TAFA5: variants seen among roughly 807,000 people sequenced by gnomAD.
TAFA5 encodes chemokine-like protein TAFA-5.
A neutral mutation model predicts 15.3 loss-of-function variants in TAFA5; 6 were observed. The ratio of observed to expected loss-of-function variants is 0.39; its 90% CI spans 0.21 to 0.77. The LOEUF is 0.77. TAFA5 is among the 30% of genes least tolerant of loss of function. The pLI is 0.41. For missense variants in TAFA5, 161 were observed against 193.1 expected, an observed-to-expected ratio of 0.83 and a Z score of 0.98; for synonymous variants, 103 against 80.7, an observed-to-expected ratio of 1.28 and a Z score of -1.48.
rs1205808089 is a variant in TAFA5, at chr22:48,493,787, C to T, written c.112+4083C>T. 8.5e-5 allele frequency among the ~76,000 whole-genome samples: 13 copies of T among 152,326 alleles called. 1 individual carries two copies. Among genetic ancestry groups the T allele is most frequent in the East Asian group, 1.9e-4 (1 of 5,188 alleles). On this transcript the variant is annotated intron_variant, in intron 1 of 3. Coordinates refer to ENST00000402357, the MANE Select transcript of TAFA5 (RefSeq NM_001082967.3). ...TTTGTCCCCTCACAGGATTTTCCCA[C>T]GCAGGGACCCCTGGGGGAAGGGACT...
chr22:48,512,388 C>T (rs1178431270), intron 1 of TAFA5, among the ~76,000 whole-genome samples: 1 of 152,190 alleles, frequency 6.6e-6, no homozygotes, highest in African/African-American at 2.4e-5. Context: ...GGGCAGATCG[C>T]TTGAGGTCAG....
intron 3 of TAFA5, among the ~76,000 whole-genome samples, chr22:48,732,110 C>T (rs1385988476): frequency 6.6e-6 from 1 of 152,216 alleles, no homozygotes; most frequent in Non-Finnish European, 1.5e-5. Flanking sequence ...GCGGAAATCA[C>T]TGCAGATGTG....
intron 1 of TAFA5, among the ~76,000 whole-genome samples, chr22:48,603,926 C>A (rs1194702226): frequency 6.6e-6 from 1 of 152,136 alleles, no homozygotes; most frequent in Admixed American, 6.5e-5. Flanking sequence ...GTGGTCAGAA[C>A]CCCCTGGCCT....
intron 1 of TAFA5, among the ~76,000 whole-genome samples, chr22:48,590,998 CCCAT>C: frequency 6.6e-6 from 1 of 152,218 alleles, no homozygotes; most frequent in African/African-American, 2.4e-5. Flanking sequence ...ATTACAGGCG[CCCAT>C]CACCACGCCC....
At chr22:48,653,201 C>T (rs991105204) in intron 2 of TAFA5, among the ~76,000 whole-genome samples, 2 of 152,238 alleles carry the variant, frequency 1.3e-5, no homozygotes, top group Non-Finnish European at 2.9e-5. Flanking sequence ...GCGACACTTT[C>T]TTCCCCAGCA....
intron 3 of TAFA5, among the ~76,000 whole-genome samples, chr22:48,712,152 G>T (rs1929273740): frequency 6.6e-6 from 1 of 152,192 alleles, no homozygotes. Flanking sequence ...CACCTCCCGA[G>T]TTCAAGTGAT....
chr22:48,603,213 A>G (rs757231120), intron 1 of TAFA5, among the ~76,000 whole-genome samples: 2 of 152,314 alleles, frequency 1.3e-5, no homozygotes, highest in African/African-American at 2.4e-5. Context: ...TCCTGTCTCC[A>G]TACCCATGCG....
chr22:48,561,857 G>A (rs1375017598), intron 1 of TAFA5, among the ~76,000 whole-genome samples: 3 of 152,196 alleles, frequency 2.0e-5, no homozygotes, highest in African/African-American at 7.2e-5. Flanking sequence ...ACCAGTCCGG[G>A]GCCACACACA....
intron 2 of TAFA5, among the ~76,000 whole-genome samples, chr22:48,670,979 T>G (rs1290047496): frequency 6.6e-6 from 1 of 152,196 alleles, no homozygotes; most frequent in Non-Finnish European, 1.5e-5. Context: ...TCATTACCCA[T>G]AAATTTGGAG....
chr22:48,615,454 A>T (rs1377881145), intron 1 of TAFA5, among the ~76,000 whole-genome samples: 1 of 152,074 alleles, frequency 6.6e-6, no homozygotes, highest in Non-Finnish European at 1.5e-5. Flanking sequence ...TTCCTCTCGG[A>T]TGGGCTTCGC....
intron 1 of TAFA5, among the ~76,000 whole-genome samples, chr22:48,585,360 T>A (rs1924308396): frequency 8.1e-6 from 1 of 123,022 alleles, no homozygotes; most frequent in African/African-American, 3.2e-5. Flanking sequence ...CACATACACA[T>A]ACAAAATATT....
At chr22:48,741,754 C>A (rs940674116) in intron 3 of TAFA5, among the ~76,000 whole-genome samples, 1 of 152,144 alleles carries the variant, frequency 6.6e-6, no homozygotes, top group Non-Finnish European at 1.5e-5. Context: ...CCTGTGGATC[C>A]CAGACGTCCA....
At chr22:48,636,626 G>C (rs1926460431) in intron 1 of TAFA5, among the ~76,000 whole-genome samples, 2 of 152,224 alleles carry the variant, frequency 1.3e-5, no homozygotes, top group South Asian at 4.1e-4. Flanking sequence ...TTCTGTTGTG[G>C]GGAGACGCTC....
intron 2 of TAFA5, among the ~76,000 whole-genome samples, chr22:48,681,461 G>A (rs1204378048): frequency 2.0e-5 from 3 of 149,530 alleles, no homozygotes; most frequent in African/African-American, 7.5e-5. Context: ...TGGGGAACAC[G>A]GTGAAACCCT....
chr22:48,582,491 C>T (rs1332167248), intron 1 of TAFA5, among the ~76,000 whole-genome samples: 3 of 151,238 alleles, frequency 2.0e-5, no homozygotes, highest in African/African-American at 7.3e-5. Context: ...ACACCACACA[C>T]CACACACAAA....
intron 3 of TAFA5, among the ~76,000 whole-genome samples, chr22:48,723,906 C>G (rs1440311571): frequency 6.6e-6 from 1 of 152,226 alleles, no homozygotes; most frequent in Non-Finnish European, 1.5e-5. Flanking sequence ...GTGGTATCTT[C>G]CAGAGTATCC....
intron 2 of TAFA5, among the ~76,000 whole-genome samples, chr22:48,688,576 C>T (rs967496332): frequency 2.0e-5 from 3 of 152,084 alleles, no homozygotes; most frequent in South Asian, 4.1e-4. Flanking sequence ...CCTGGCTGCT[C>T]GGGGGACGGT....
chr22:48,705,151 G>T (rs12159111), intron 2 of TAFA5, among the ~76,000 whole-genome samples: 1 of 151,908 alleles, frequency 6.6e-6, no homozygotes, highest in Admixed American at 6.5e-5. Context: ...AGAGGATATT[G>T]CATCCCTAGC....
chr22:48,549,778 T>C (rs16999384), intron 1 of TAFA5, among the ~76,000 whole-genome samples: 4,914 of 152,288 alleles, frequency 0.032, 272 homozygotes, highest in African/African-American at 0.11. Context: ...GTCAGAGCTG[T>C]GGCAACTGTG....
Sources: gnomAD v4.1 joint callset for allele counts (sites outside exome capture counted in the v4.1 genomes callset) on GRCh38, gnomAD v4.1.1 for gene constraint, MANE v1.5 for transcripts, NCBI Gene and HGNC (gene_info 2026-07-23, HGNC 2026-07-21) for gene names.